Variants in S100Z observed in about 807,000 individuals in gnomAD.
S100Z encodes S100 calcium binding protein Z, also known as protein S100-Z.
S100Z carries 11 observed loss-of-function variants against 8.5 expected under a neutral mutation model. That is an observed-to-expected ratio of 1.30 (90% confidence interval 0.82 to 2.15). S100Z has a LOEUF of 2.15. Ranked by LOEUF, S100Z falls within the 30% of genes most tolerant of loss-of-function variation. The pLI, the probability that S100Z is intolerant of heterozygous loss-of-function variation, is 0.00. For missense variants in S100Z, 126 were observed against 117.9 expected (o/e 1.07, Z -0.32); for synonymous variants, 34 against 43.8 (o/e 0.78, Z 0.89).
chr5:76,865,337 C>T (rs188814033), intron 1 of S100Z, among the ~76,000 whole-genome samples: 91 of 151,422 alleles, frequency 6.0e-4, no homozygotes, highest in African/African-American at 2.2e-3. Context: ...CTCCGCCTCC[C>T]GGCTTCAAGT....
chr5:76,863,600 G>C (rs28684494), intron 1 of S100Z, among the ~76,000 whole-genome samples: 1 of 151,778 alleles, frequency 6.6e-6, no homozygotes, highest in East Asian at 1.9e-4. Flanking sequence ...GTGCAGTGGC[G>C]CGATCTCGGC....
chr5:76,870,374 A>G (rs1297635421), intron 2 of S100Z, 90 bp downstream of exon 2: 2 of 152,198 alleles, frequency 1.3e-5, no homozygotes, highest in East Asian at 3.9e-4. Flanking sequence ...TACCAGATGT[A>G]CTCTTATACA....
At chr5:76,860,526 G>A (rs549253043) in intron 1 of S100Z, among the ~76,000 whole-genome samples, 3 of 152,164 alleles carry the variant, frequency 2.0e-5, no homozygotes, top group Non-Finnish European at 2.9e-5. Flanking sequence ...CACAGAAACA[G>A]ACTCATGACA....
At chr5:76,936,616 T>TACACACAC in the S100Z span, among the ~76,000 whole-genome samples, 13,363 of 133,934 alleles carry the variant, frequency 0.1, 767 homozygotes, top group Middle Eastern at 0.14. Context: ...TTAAAGTTCC[T>TACACACAC]ACACACACAC....
the S100Z span, among the ~76,000 whole-genome samples, chr5:76,946,477 T>C: frequency 1.3e-5 from 2 of 152,238 alleles, no homozygotes; most frequent in Non-Finnish European, 2.9e-5. Flanking sequence ...TTATGGTGCA[T>C]AATCTTTAAT....
intron 4 of S100Z, among the ~76,000 whole-genome samples, chr5:76,910,510 G>A (rs1744613295): frequency 6.6e-6 from 1 of 152,142 alleles, no homozygotes; most frequent in African/African-American, 2.4e-5. Context: ...CACCCGGGAT[G>A]GCTTGTTATC....
At chr5:76,897,978 T>C (rs1434142384) in intron 4 of S100Z, among the ~76,000 whole-genome samples, 1 of 152,212 alleles carries the variant, frequency 6.6e-6, no homozygotes, top group Non-Finnish European at 1.5e-5. Context: ...CTTTATATCC[T>C]TCTCTTGTCT....
chr5:76,896,096 C>T (rs746281900), intron 4 of S100Z, among the ~76,000 whole-genome samples: 35 of 151,904 alleles, frequency 2.3e-4, no homozygotes, highest in Admixed American at 2.0e-4. Context: ...CTATAGTCAC[C>T]CTGTTGTGCT....
chr5:76,920,668 C>T (rs1339854083), intron 4 of S100Z, 49 bp from the exon 5 acceptor site: 1 of 152,224 alleles, frequency 6.6e-6, no homozygotes, highest in African/African-American at 2.4e-5. Context: ...AAACATACTA[C>T]ACAGCCATTG....
At chr5:76,854,204 T>C (rs971505347) in intron 1 of S100Z, among the ~76,000 whole-genome samples, 3 of 151,898 alleles carry the variant, frequency 2.0e-5, no homozygotes, top group African/African-American at 7.3e-5. Flanking sequence ...TACCAAGGAG[T>C]GGGGCATTGC....
Position 76,877,771 on chromosome 5 carries a change from C to T in S100Z, c.239C>T (p.Ala80Val). The change falls in exon 4 of 5, where the codon GCA becomes GTA. Residue 80 changes from alanine (A) to valine (V), a missense_variant. Coordinates refer to ENST00000317593, the MANE Select transcript of S100Z (RefSeq NM_130772.4). ...TTTAATGAATTCGTGGTCATGGTGG[C>T]AGCTCTGACAGTTGCTTGTAATGAT... ...VDFNEFVVMVAALTVACNDYF... is the reference protein window; with the variant it reads ...VDFNEFVVMVVALTVACNDYF... The T allele has an allele frequency of 6.2e-7, 1 of 1,612,814 alleles. No homozygotes were observed. The highest frequency in any genetic ancestry group is 2.2e-5 in the East Asian group (1 of 44,872).
the S100Z span, among the ~76,000 whole-genome samples, chr5:76,935,518 T>C: frequency 6.6e-6 from 1 of 152,196 alleles, no homozygotes; most frequent in African/African-American, 2.4e-5. Flanking sequence ...CTCATGTTTC[T>C]ATTCCTTTTC....
the S100Z span, among the ~76,000 whole-genome samples, chr5:76,942,151 G>C: frequency 1.3e-5 from 2 of 151,644 alleles, no homozygotes; most frequent in African/African-American, 2.4e-5. Flanking sequence ...GTCTTGCTTT[G>C]TTGCCTAGGC....
intron 4 of S100Z, among the ~76,000 whole-genome samples, chr5:76,914,939 ACACT>A (rs1163102599): frequency 3.3e-5 from 5 of 152,174 alleles, no homozygotes; most frequent in African/African-American, 1.2e-4. Context: ...AAGAACTGTA[ACACT>A]CACCGCAAGG....
the S100Z span, among the ~76,000 whole-genome samples, chr5:76,950,764 A>G: frequency 6.6e-6 from 1 of 152,232 alleles, no homozygotes; most frequent in East Asian, 1.9e-4. Flanking sequence ...TGCTTGAACA[A>G]ACAACTTTCA....
At chr5:76,895,072 A>G (rs1192771969) in intron 4 of S100Z, among the ~76,000 whole-genome samples, 3 of 152,154 alleles carry the variant, frequency 2.0e-5, no homozygotes, top group Admixed American at 1.3e-4. Context: ...CCACTTATTT[A>G]GCCATGCGTG....
intron 4 of S100Z, among the ~76,000 whole-genome samples, chr5:76,885,686 T>C (rs1231280781): frequency 3.2e-3 from 124 of 38,470 alleles, no homozygotes; most frequent in African/African-American, 5.2e-3. Flanking sequence ...AAAGTGGGAA[T>C]GGGGTGGGAG....
chr5:76,888,211 T>G (rs563069194), intron 4 of S100Z, among the ~76,000 whole-genome samples: 1 of 148,658 alleles, frequency 6.7e-6, no homozygotes, highest in Admixed American at 6.7e-5. Flanking sequence ...GAGCCAAGAT[T>G]ATGCCACTGC....
intron 4 of S100Z, among the ~76,000 whole-genome samples, chr5:76,907,019 T>TATATAC (rs1178238416): frequency 3.5e-4 from 27 of 76,244 alleles, no homozygotes; most frequent in African/African-American, 2.3e-3. Flanking sequence ...TATATATATA[T>TATATAC]ATATACATAT....
Sources: gnomAD v4.1 joint callset for allele counts (sites outside exome capture counted in the v4.1 genomes callset) on GRCh38, gnomAD v4.1.1 for gene constraint, MANE v1.5 for transcripts, NCBI Gene and HGNC (gene_info 2026-07-23, HGNC 2026-07-21) for gene names.